ABAT: variants seen among roughly 807,000 people sequenced by gnomAD.
ABAT encodes the protein 4-aminobutyrate aminotransferase, also known as 4-aminobutyrate aminotransferase, mitochondrial.
Under a neutral mutation model 64.6 loss-of-function variants are expected in ABAT, and 45 were observed. The observed-to-expected ratio is 0.70, with a 90% confidence interval of 0.55 to 0.89. The LOEUF (loss-of-function observed/expected upper bound fraction) is 0.89, where lower values mean the gene tolerates loss of function less well. Ranked by LOEUF, ABAT falls within the 40% of genes least tolerant of loss-of-function variation. The pLI is 0.00. For synonymous variants in ABAT, 297 were observed against 250.5 expected (o/e 1.19, Z -1.75); for missense variants, 633 against 658.4 (o/e 0.96, Z 0.42).
chr16:8,687,453 G>A (rs2057481343), intron 1 of ABAT, among the ~76,000 whole-genome samples: 1 of 151,102 alleles, frequency 6.6e-6, no homozygotes, highest in East Asian at 1.9e-4. Context: ...TTGAACCAGG[G>A]AGTCGGAGGT....
At chr16:8,720,315 T>C (rs73497697) in intron 1 of ABAT, among the ~76,000 whole-genome samples, 8,718 of 152,312 alleles carry the variant, frequency 0.057, 363 homozygotes, top group East Asian at 0.11. Flanking sequence ...GTAATATATA[T>C]GGCCCAGCCA....
intron 2 of ABAT, among the ~76,000 whole-genome samples, chr16:8,741,969 T>A (rs376120083): frequency 7.2e-5 from 11 of 152,342 alleles, no homozygotes; most frequent in African/African-American, 2.6e-4. Context: ...AGCCTAGCAT[T>A]TTAGTAAAGA....
At chr16:8,773,147 C>CACACACACACACACACACAT (rs1239743158) in intron 12 of ABAT, among the ~76,000 whole-genome samples, 3 of 98,428 alleles carry the variant, frequency 3.0e-5, no homozygotes, top group African/African-American at 1.3e-4. Context: ...CACACACACA[C>CACACACACACACACACACAT]ATATATATAT....
At chr16:8,746,880 G>A (rs1279087286) in intron 3 of ABAT, among the ~76,000 whole-genome samples, 1 of 152,146 alleles carries the variant, frequency 6.6e-6, no homozygotes, top group Non-Finnish European at 1.5e-5. Context: ...AGACAGCTCT[G>A]TTGAGCAGAC....
chr16:8,762,839 G>C (rs918390120), intron 6 of ABAT, among the ~76,000 whole-genome samples: 1 of 152,132 alleles, frequency 6.6e-6, no homozygotes, highest in Non-Finnish European at 1.5e-5. Flanking sequence ...GGGCACAGTG[G>C]CTCACACTTG....
intron 1 of ABAT, among the ~76,000 whole-genome samples, chr16:8,719,063 A>G (rs973480486): frequency 6.6e-6 from 1 of 152,176 alleles, no homozygotes; most frequent in Non-Finnish European, 1.5e-5. Flanking sequence ...CGTTTCCTCC[A>G]ATCACACCGA....
At chr16:8,732,388 C>A (rs1463028844) in intron 1 of ABAT, among the ~76,000 whole-genome samples, 1 of 150,550 alleles carries the variant, frequency 6.6e-6, no homozygotes, top group African/African-American at 2.5e-5. Context: ...GTGTTTGTGT[C>A]CCTGGGTACT....
Position 8,774,967 on chromosome 16 carries a change from G to C in ABAT, c.1032G>C (p.Trp344Cys). 1 of 1,614,202 alleles carries C rather than the reference G, an allele frequency of 6.2e-7. No homozygotes were observed. Among genetic ancestry groups the C allele is most frequent in the Non-Finnish European group, 8.5e-7 (1 of 1,180,046 alleles). ...GCAAGTTCTGGGCCCATGAGCACTGGGGCCTGGATGACCCAGCAGACGTGA... is the reference window on the plus strand; with the variant it reads ...GCAAGTTCTGGGCCCATGAGCACTGCGGCCTGGATGACCCAGCAGACGTGA... ...CTGKFWAHEH[W>C]GLDDPADVMT... Residue 344 changes from tryptophan to cysteine, a missense_variant, in exon 13 of 16, where the codon TGG becomes TGC. By Grantham distance (215) the Trp-to-Cys change is radical. Coordinates refer to ENST00000268251, the MANE Select transcript of ABAT (RefSeq NM_020686.6).
chr16:8,781,143 G>C lies in ABAT; in HGVS notation c.1382-166G>C, dbSNP rs1485601236. 5.5e-5 allele frequency: 53 copies of C among 964,750 alleles called. No individual in the cohort carries two copies. Among genetic ancestry groups the C allele is most frequent in the Admixed American group, 4.7e-4 (28 of 59,138 alleles). The allele number at this position is 964,750 out of a possible 1,614,324, so 59.8% of individuals were successfully genotyped here. ...GGAGAGAGAAAGGAAATGAAGACTG[G>C]ATGGGTGGGTGGTAGGAAGGAAGCC... On this transcript the variant is annotated intron_variant, in intron 15 of 15. Coordinates refer to ENST00000268251, the MANE Select transcript of ABAT (RefSeq NM_020686.6). This position sits in a 1 kb window ranked among gnomAD's most constrained non-coding sequence, Gnocchi z 4.5.
rs1463739235 is a variant in ABAT at position 8,764,481 on chromosome 16, T to TGA, written c.448-257_448-256insGA. On this transcript the variant is annotated intron_variant, in intron 7 of 15. Coordinates refer to ENST00000268251, the MANE Select transcript of ABAT (RefSeq NM_020686.6). The surrounding 1 kb of genome is among the most constrained non-coding windows in gnomAD (Gnocchi z 4.2). The stretch of plus-strand genomic sequence containing the variant: ...ACGTCCCGCCTGGAACGTGTAGGTG[T>TGA]CTTAGACAGTGGCAGGTGCATCAGG... Among the ~76,000 whole-genome samples, 1 of 152,140 alleles carries TGA rather than the reference T, an allele frequency of 6.6e-6. No individual in the cohort carries two copies. Among genetic ancestry groups the TGA allele is most frequent in the African/African-American group, 2.4e-5 (1 of 41,432 alleles).
Position 8,781,207 on chromosome 16 carries a change from ATGG to A in ABAT, c.1382-101_1382-99del. The stretch of plus-strand genomic sequence containing the variant: ...TGGAGGATGATGGATGGATGGATGG[ATGG>A]ATGGATGAGCGTTGCCAACAGGCAT... On this transcript the variant is annotated intron_variant, in intron 15 of 15. Transcript: ENST00000268251. This position sits in a 1 kb window ranked among gnomAD's most constrained non-coding sequence, Gnocchi z 4.5. The A allele has an allele frequency of 6.4e-7, 1 of 1,563,628 alleles. No individual in the cohort carries two copies. The highest frequency in any genetic ancestry group is 8.8e-7 in the Non-Finnish European group (1 of 1,137,154).
chr16:8,693,116 A>G (rs1417410612), intron 1 of ABAT, among the ~76,000 whole-genome samples: 1 of 152,116 alleles, frequency 6.6e-6, no homozygotes, highest in Non-Finnish European at 1.5e-5. Flanking sequence ...CAGACTCCCA[A>G]AGTGTTGGGA....
chr16:8,760,943 G>A lies in ABAT; in HGVS notation c.367-3126G>A. ...GTTTTTAAAAAATTAGCCAGGTGTG[G>A]TGGTGCATACCTGTAGTCCCAGCTA... On this transcript the variant is annotated intron_variant, in intron 6 of 15. Transcript: ENST00000268251. 1.3e-5 allele frequency among the ~76,000 whole-genome samples: 2 copies of A among 152,116 alleles called. 1 individual carries two copies. The highest frequency in any genetic ancestry group is 1.3e-4 in the Admixed American group (2 of 15,282).
Position 8,757,770 on chromosome 16 carries a change from C to A in ABAT, c.330C>A (p.Pro110=). 2 of 1,614,040 alleles carry A rather than the reference C, an allele frequency of 1.2e-6. No individual in the cohort carries two copies. The highest frequency in any genetic ancestry group is 8.5e-7 in the Non-Finnish European group (1 of 1,179,962). ...TCCTGCCCTCAGGTTACAGCCACCC[C>A]GCCCTGCTGAAACTCATCCAACAGC... The part of the protein sequence containing the change: ...ISSVPIGYSH[P]ALLKLIQQPQ... The change falls in exon 6 of 16, where the codon CCC becomes CCA. Residue 110 remains proline (P), a synonymous_variant. Transcript: ENST00000268251.
intron 9 of ABAT, 55 bp downstream of exon 9, chr16:8,766,325 C>T: frequency 1.3e-6 from 2 of 1,559,440 alleles, no homozygotes; most frequent in East Asian, 2.3e-5. Context: ...ACAGCCTCTC[C>T]CGGGCTGTTG....
chr16:8,767,348 CT>C (rs1180266670), intron 9 of ABAT, among the ~76,000 whole-genome samples: 2 of 152,220 alleles, frequency 1.3e-5, no homozygotes, highest in East Asian at 3.9e-4. Context: ...CCACAGACCC[CT>C]TCCAAAGGCC....
At chr16:8,746,120 G>C (rs559986246) in intron 3 of ABAT, 22 bp downstream of exon 3, 4 of 1,593,084 alleles carry the variant, frequency 2.5e-6, no homozygotes, top group East Asian at 2.2e-5. Flanking sequence ...ACACCTGAGT[G>C]GGGTATTTTG....
chr16:8,704,851 A>AT (rs1457575726), intron 1 of ABAT, among the ~76,000 whole-genome samples: 1 of 151,976 alleles, frequency 6.6e-6, no homozygotes, highest in Admixed American at 6.6e-5. Context: ...TTAAAAAAAA[A>AT]TTTTTAAATT....
At chr16:8,775,550 G>A (rs114873319) in intron 13 of ABAT, among the ~76,000 whole-genome samples, 1,922 of 99,494 alleles carry the variant, frequency 0.019, 37 homozygotes, top group South Asian at 0.086. Flanking sequence ...GTACTGCCAT[G>A]TGTGCATACA....
Sources: allele counts gnomAD v4.1 joint callset (sites outside exome capture counted in the v4.1 genomes callset), GRCh38; gene constraint gnomAD v4.1.1; non-coding constraint Gnocchi (gnomAD v3.1); transcripts MANE v1.5; gene names NCBI Gene and HGNC (gene_info 2026-07-23, HGNC 2026-07-21).